The following GRID1 variants were observed in gnomAD, a reference collection of about 807,000 sequenced individuals.
GRID1 encodes the protein glutamate receptor ionotropic, delta-1.
A neutral mutation model predicts 98.0 loss-of-function variants in GRID1; 28 were observed. The ratio of observed to expected loss-of-function variants is 0.29; its 90% CI spans 0.21 to 0.39. GRID1 has a LOEUF of 0.39. Ranked by LOEUF, GRID1 falls within the 10% of genes least tolerant of loss-of-function variation. The probability of loss-of-function intolerance (pLI) is 1.00; values close to 1 mark genes in which losing one functional copy is unlikely to be tolerated. For synonymous variants in GRID1, 553 were observed against 538.5 expected (o/e 1.03, Z -0.37); for missense variants, 1,111 against 1,340.5 (o/e 0.83, Z 2.67).
intron 5 of GRID1, among the ~76,000 whole-genome samples, chr10:85,878,524 T>C (rs1453660402): frequency 5.3e-5 from 8 of 152,182 alleles, no homozygotes; most frequent in Non-Finnish European, 7.4e-5. Context: ...CAAACTAAGA[T>C]TCATAAGTGA....
intron 4 of GRID1, among the ~76,000 whole-genome samples, chr10:86,003,493 C>G (rs1842824113): frequency 6.6e-6 from 1 of 152,240 alleles, no homozygotes; most frequent in African/African-American, 2.4e-5. Flanking sequence ...CCAACTAATC[C>G]AGACTCCTGA....
intron 12 of GRID1, among the ~76,000 whole-genome samples, chr10:85,717,947 G>T (rs1196530704): frequency 7.4e-6 from 1 of 135,876 alleles, no homozygotes; most frequent in African/African-American, 2.9e-5. Flanking sequence ...AATGATCTTT[G>T]ACTCCAGGTC....
chr10:85,996,646 T>C (rs1423787879), intron 4 of GRID1, among the ~76,000 whole-genome samples: 2 of 152,006 alleles, frequency 1.3e-5, no homozygotes, highest in Non-Finnish European at 2.9e-5. Context: ...CTTGCCAACA[T>C]GGTGAAACCC....
At position 86,004,019 on chromosome 10, in the gene GRID1, A is replaced by AGTTTCCTTC. The variant is rs1842830945; in HGVS notation, c.727-87781_727-87780insGAAGGAAAC. On this transcript the variant is annotated intron_variant, in intron 4 of 15. Coordinates refer to ENST00000327946, the MANE Select transcript of GRID1 (RefSeq NM_017551.3). ...GCAGCAGAGCAACAGGAAGAAGGAA[A>AGTTTCCTTC]CTGTGCACAGGAATCCAATCAACAG... Among the ~76,000 whole-genome samples the AGTTTCCTTC allele has an allele frequency of 2.0e-5, 3 of 152,306 alleles. No homozygotes were observed. In the South Asian group the frequency reaches 6.2e-4, roughly 32 times the overall value.
chr10:85,669,054 A>G (rs1179984488), intron 12 of GRID1, among the ~76,000 whole-genome samples: 4 of 152,240 alleles, frequency 2.6e-5, no homozygotes. Flanking sequence ...GTTCCACCAG[A>G]GGATGACACA....
rs527912733 is a variant in GRID1, at chr10:86,206,195, G to T, written c.520+169C>A. Among the ~76,000 whole-genome samples the T allele has an allele frequency of 6.6e-6, 1 of 152,188 alleles. No homozygotes were observed. The highest frequency in any genetic ancestry group is 2.4e-5 in the African/African-American group (1 of 41,436). The stretch of plus-strand genomic sequence containing the variant: ...CTTTATACCTATCTATGGAGCTGTT[G>T]TTGCAGCTCTTCCTGACTCATGAAG... On this transcript the variant is annotated intron_variant, in intron 3 of 15. Transcript: ENST00000327946. The surrounding 1 kb of genome is among the most constrained non-coding windows in gnomAD (Gnocchi z 4.1).
intron 2 of GRID1, among the ~76,000 whole-genome samples, chr10:86,312,749 A>G (rs1001498023): frequency 1.3e-5 from 2 of 152,220 alleles, no homozygotes; most frequent in African/African-American, 4.8e-5. Context: ...GCACCACCCC[A>G]GGGGATGCCA....
At chr10:86,204,667 C>A (rs11201939) in intron 3 of GRID1, among the ~76,000 whole-genome samples, 1 of 152,096 alleles carries the variant, frequency 6.6e-6, no homozygotes, top group African/African-American at 2.4e-5. Context: ...ATCACCTGCC[C>A]TCCCAGCGGC....
chr10:86,342,965 AGGAAATGAATGAACAAAT>A (rs1201302305), intron 2 of GRID1, among the ~76,000 whole-genome samples: 91 of 152,124 alleles, frequency 6.0e-4, no homozygotes, highest in Non-Finnish European at 1.2e-4. Flanking sequence ...GTAGGCACTC[AGGAAATGAATGAACAAAT>A]GAATGGACAT....
chr10:85,721,255 A>T (rs1841699426), intron 12 of GRID1, among the ~76,000 whole-genome samples: 1 of 152,232 alleles, frequency 6.6e-6, no homozygotes, highest in African/African-American at 2.4e-5. Flanking sequence ...GAAATATAAA[A>T]TGATACAGAC....
At chr10:86,243,610 C>T (rs1177358410) in intron 2 of GRID1, among the ~76,000 whole-genome samples, 1 of 152,154 alleles carries the variant, frequency 6.6e-6, no homozygotes, top group African/African-American at 2.4e-5. Flanking sequence ...TATGCCAGGC[C>T]CTGGAGAAAG....
chr10:86,180,325 G>A (rs1409453893), intron 3 of GRID1, among the ~76,000 whole-genome samples: 1 of 152,162 alleles, frequency 6.6e-6, no homozygotes, highest in East Asian at 1.9e-4. Flanking sequence ...TAGAGGCCCA[G>A]AGTGATCGAA....
chr10:85,885,770 T>C (rs990791621), intron 5 of GRID1, among the ~76,000 whole-genome samples: 3 of 152,152 alleles, frequency 2.0e-5, no homozygotes, highest in Non-Finnish European at 2.9e-5. Flanking sequence ...CAGATGTGGA[T>C]GACAGAGTTA....
chr10:86,145,111 A>G (rs1488183499), intron 3 of GRID1, among the ~76,000 whole-genome samples: 1 of 152,256 alleles, frequency 6.6e-6, no homozygotes, highest in Non-Finnish European at 1.5e-5. Flanking sequence ...CCAAGAAATT[A>G]ATATCCTCAA....
At chr10:86,171,121 G>A (rs1845479564) in intron 3 of GRID1, among the ~76,000 whole-genome samples, 1 of 152,172 alleles carries the variant, frequency 6.6e-6, no homozygotes, top group Admixed American at 6.5e-5. Flanking sequence ...GCAGGACTAA[G>A]GCACCTGTAT....
chr10:86,308,978 C>T (rs544777896), intron 2 of GRID1, among the ~76,000 whole-genome samples: 4 of 152,196 alleles, frequency 2.6e-5, no homozygotes, highest in South Asian at 2.1e-4. Context: ...TTTCAACATG[C>T]GTTTTGGAGA....
At chr10:86,034,951 T>TGGATGGAC (rs1843237838) in intron 4 of GRID1, among the ~76,000 whole-genome samples, 1 of 151,238 alleles carries the variant, frequency 6.6e-6, no homozygotes, top group Admixed American at 6.6e-5. Context: ...GATGGATGGA[T>TGGATGGAC]GGATAGATGG....
intron 8 of GRID1, among the ~76,000 whole-genome samples, chr10:85,834,448 G>C (rs996745062): frequency 1.3e-5 from 2 of 152,130 alleles, no homozygotes; most frequent in African/African-American, 4.8e-5. Context: ...CCAATCCTTC[G>C]AGACTGGATA....
chr10:85,939,030 C>T (rs1339092043), intron 4 of GRID1, among the ~76,000 whole-genome samples: 1 of 152,188 alleles, frequency 6.6e-6, no homozygotes, highest in East Asian at 1.9e-4. Flanking sequence ...TCCTGGAAAA[C>T]CAAGCCTTGT....
Sources: gnomAD v4.1 joint callset for allele counts (sites outside exome capture counted in the v4.1 genomes callset) on GRCh38, gnomAD v4.1.1 for gene constraint, Gnocchi (gnomAD v3.1) non-coding constraint, MANE v1.5 for transcripts, NCBI Gene and HGNC (gene_info 2026-07-23, HGNC 2026-07-21) for gene names.